MINDY4: variants seen among roughly 807,000 people sequenced by gnomAD.
MINDY4 encodes probable ubiquitin carboxyl-terminal hydrolase MINDY-4.
In MINDY4, 68 loss-of-function variants were observed where a neutral mutation model predicts 87.0. That is an observed-to-expected ratio of 0.78 (90% CI 0.64 to 0.96). The LOEUF is 0.96. Ranked by LOEUF, MINDY4 falls within the 40% of genes least tolerant of loss-of-function variation. The probability of loss-of-function intolerance (pLI) is 0.00; values close to 1 mark genes in which losing one functional copy is unlikely to be tolerated. For synonymous variants in MINDY4, 379 were observed against 363.2 expected (o/e 1.04, Z -0.50); for missense variants, 919 against 928.2 (o/e 0.99, Z 0.13).
intron 1 of MINDY4, among the ~76,000 whole-genome samples, chr7:30,777,334 C>T (rs1408635978): frequency 6.6e-6 from 1 of 152,206 alleles, no homozygotes; most frequent in Non-Finnish European, 1.5e-5. Flanking sequence ...ATCACTTTGA[C>T]TGGAGGGAAA....
chr7:30,849,205 A>T (rs950355167), intron 9 of MINDY4, among the ~76,000 whole-genome samples: 3 of 152,144 alleles, frequency 2.0e-5, no homozygotes, highest in African/African-American at 7.2e-5. Flanking sequence ...GAAAAGAGGG[A>T]CGAACTTCAG....
intron 6 of MINDY4, among the ~76,000 whole-genome samples, chr7:30,830,791 A>G (rs766307495): frequency 2.6e-4 from 39 of 152,140 alleles, no homozygotes; most frequent in Non-Finnish European, 5.3e-4. Context: ...TTTAGTCTGG[A>G]CTCTGAAGAA....
At chr7:30,783,167 G>A (rs183525827) in intron 3 of MINDY4, among the ~76,000 whole-genome samples, 1 of 152,282 alleles carries the variant, frequency 6.6e-6, no homozygotes, top group African/African-American at 2.4e-5. Flanking sequence ...GTTCTGAGGG[G>A]AAAATCCATT....
chr7:30,781,966 C>G lies in MINDY4; in HGVS notation c.184-11C>G. On this transcript the variant is annotated splice_polypyrimidine_tract_variant and intron_variant, in intron 2 of 17. Transcript: ENST00000265299. ...ATAAATTAATGATTTTTTTTTCTCTCCCAATGATAGGCAAAGGAAAATCCT... is the reference window on the plus strand; with the variant it reads ...ATAAATTAATGATTTTTTTTTCTCTGCCAATGATAGGCAAAGGAAAATCCT... 1 of 1,587,738 alleles carries G rather than the reference C, an allele frequency of 6.3e-7. No homozygotes were observed. The highest frequency in any genetic ancestry group is 1.4e-5 in the African/African-American group (1 of 73,718).
At chr7:30,847,392 GAGC>G (rs1337581502) in intron 9 of MINDY4, among the ~76,000 whole-genome samples, 7 of 152,204 alleles carry the variant, frequency 4.6e-5, no homozygotes, top group African/African-American at 1.7e-4. Context: ...CCCTGCCCAA[GAGC>G]AAGATCTCTT....
chr7:30,838,317 G>T (rs186801864), intron 7 of MINDY4, among the ~76,000 whole-genome samples: 11 of 152,236 alleles, frequency 7.2e-5, no homozygotes, highest in Non-Finnish European at 1.5e-4. Flanking sequence ...AAGTAGAGGG[G>T]CTGCCTTGAG....
chr7:30,816,310 G>C (rs10267170), intron 5 of MINDY4, among the ~76,000 whole-genome samples: 56,130 of 151,646 alleles, frequency 0.37, 13,392 homozygotes, highest in African/African-American at 0.66. Flanking sequence ...TGGTAAATTT[G>C]TTCTCCGTTC....
At chr7:30,871,165 G>T (rs1790096402) in intron 13 of MINDY4, among the ~76,000 whole-genome samples, 1 of 152,134 alleles carries the variant, frequency 6.6e-6, no homozygotes, top group Non-Finnish European at 1.5e-5. Context: ...CAGAAGTGGG[G>T]GGGACAGACC....
intron 5 of MINDY4, among the ~76,000 whole-genome samples, chr7:30,828,352 C>T (rs1305450858): frequency 6.6e-6 from 1 of 150,480 alleles, no homozygotes; most frequent in East Asian, 1.9e-4. Flanking sequence ...GTGTGTGTTT[C>T]CCAGAAGTAT....
chr7:30,784,203 A>AG (rs1562529539), intron 3 of MINDY4, among the ~76,000 whole-genome samples: 2 of 152,166 alleles, frequency 1.3e-5, no homozygotes, highest in Admixed American at 6.5e-5. Flanking sequence ...TGGGAAGTGA[A>AG]ATACTTCTGG....
chr7:30,840,634 G>T (rs1270650469), intron 8 of MINDY4, 126 bp from the exon 9 acceptor site: 8 of 689,018 alleles, frequency 1.2e-5, no homozygotes, highest in South Asian at 3.8e-5. Context: ...CACATCAGAG[G>T]CCCTTCTGTT....
intron 9 of MINDY4, among the ~76,000 whole-genome samples, chr7:30,850,039 G>A (rs1282174545): frequency 6.6e-6 from 1 of 152,240 alleles, no homozygotes; most frequent in Admixed American, 6.5e-5. Context: ...CCAGAGGCTT[G>A]GAGGTGGGCA....
chr7:30,855,394 G>A (rs7797330), intron 12 of MINDY4, among the ~76,000 whole-genome samples: 42,545 of 152,180 alleles, frequency 0.28, 6,498 homozygotes, highest in African/African-American at 0.38. Flanking sequence ...CACAGGAGAG[G>A]CGAGCAGAGC....
intron 5 of MINDY4, among the ~76,000 whole-genome samples, chr7:30,810,722 A>G (rs1787966615): frequency 6.6e-6 from 1 of 152,208 alleles, no homozygotes; most frequent in Non-Finnish European, 1.5e-5. Flanking sequence ...AGTTTTATTA[A>G]AACTAAGTTT....
intron 11 of MINDY4, 145 bp downstream of exon 11, chr7:30,852,424 G>A (rs1789440816): frequency 6.9e-7 from 1 of 1,458,400 alleles, no homozygotes; most frequent in Non-Finnish European, 9.1e-7. Context: ...GGATTAGGGT[G>A]GGGACAGACG....
At chr7:30,790,401 AT>A (rs1178415017) in intron 4 of MINDY4, among the ~76,000 whole-genome samples, 2 of 152,082 alleles carry the variant, frequency 1.3e-5, no homozygotes, top group African/African-American at 4.8e-5. Flanking sequence ...GCAGTTAAGA[AT>A]TTACCACAGG....
intron 5 of MINDY4, among the ~76,000 whole-genome samples, chr7:30,808,513 G>C (rs148640046): frequency 6.6e-6 from 1 of 152,044 alleles, no homozygotes; most frequent in Non-Finnish European, 1.5e-5. Flanking sequence ...TGGTGTGAGC[G>C]TGGTGTTTTG....
intron 17 of MINDY4, among the ~76,000 whole-genome samples, chr7:30,884,057 T>A (rs1349254331): frequency 2.0e-5 from 3 of 152,112 alleles, no homozygotes; most frequent in Admixed American, 6.5e-5. Flanking sequence ...TCAGAGAATC[T>A]CCATTTCTCT....
chr7:30,821,299 G>A (rs372633996), intron 5 of MINDY4, among the ~76,000 whole-genome samples: 4 of 152,148 alleles, frequency 2.6e-5, no homozygotes, highest in African/African-American at 7.2e-5. Flanking sequence ...TTCAGTGAAG[G>A]TCTGTGATAC....
Sources: allele counts gnomAD v4.1 joint callset (sites outside exome capture counted in the v4.1 genomes callset), GRCh38; gene constraint gnomAD v4.1.1; transcripts MANE v1.5; gene names NCBI Gene and HGNC (gene_info 2026-07-23, HGNC 2026-07-21).